The following ZEB1 variants were observed in gnomAD, a reference collection of about 807,000 sequenced individuals.
The protein encoded by ZEB1 is zinc finger E-box binding homeobox 1.
ZEB1 carries 21 observed loss-of-function variants against 84.9 expected under a neutral mutation model. That is an observed-to-expected ratio of 0.25 (90% CI 0.18 to 0.36). The LOEUF is 0.36. Among genes scored for constraint, ZEB1 ranks in the 10% least tolerant of loss-of-function variants. ZEB1 has a pLI of 1.00. For missense variants in ZEB1, 1,104 were observed against 1,330.2 expected (o/e 0.83, Z 2.65); for synonymous variants, 420 against 471.1 (o/e 0.89, Z 1.41).
At chr10:31,362,981 A>C in intron 1 of ZEB1, 2 of 1,534,066 alleles carry the variant, frequency 1.3e-6, no homozygotes, top group Non-Finnish European at 1.7e-6. Context: ...GGAGATAGAC[A>C]TGGAAGCTTT....
intron 1 of ZEB1, among the ~76,000 whole-genome samples, chr10:31,340,273 A>T (rs1468361599): frequency 6.6e-6 from 1 of 152,034 alleles, no homozygotes; most frequent in Non-Finnish European, 1.5e-5. Context: ...TTGGTACAGG[A>T]TATATTTTTT....
intron 1 of ZEB1, among the ~76,000 whole-genome samples, chr10:31,355,930 T>C (rs1315420513): frequency 6.6e-6 from 1 of 152,130 alleles, no homozygotes; most frequent in African/African-American, 2.4e-5. Context: ...ATAGTATATA[T>C]AGAAGCATTG....
chr10:31,503,798 C>T (rs578144069), intron 4 of ZEB1, among the ~76,000 whole-genome samples: 35 of 151,940 alleles, frequency 2.3e-4, no homozygotes, highest in African/African-American at 7.5e-4. Context: ...TTTTGATTTG[C>T]ATTTCTCTAA....
chr10:31,512,463 T>C (rs1263381812), intron 5 of ZEB1, among the ~76,000 whole-genome samples: 1 of 151,996 alleles, frequency 6.6e-6, no homozygotes, highest in African/African-American at 2.4e-5. Flanking sequence ...TGTGAGGAAA[T>C]ATAACTGGGA....
intron 1 of ZEB1, among the ~76,000 whole-genome samples, chr10:31,340,533 A>G (rs900732710): frequency 6.6e-6 from 1 of 152,112 alleles, no homozygotes; most frequent in Non-Finnish European, 1.5e-5. Context: ...GTACTTGATG[A>G]CTTGGTATTG....
At chr10:31,519,194 A>G (rs1179736819) in intron 6 of ZEB1, among the ~76,000 whole-genome samples, 1 of 152,228 alleles carries the variant, frequency 6.6e-6, no homozygotes, top group African/African-American at 2.4e-5. Context: ...ACTGAAGCTT[A>G]TAGTCTGTAA....
chr10:31,435,143 G>A (rs574078896), intron 1 of ZEB1, among the ~76,000 whole-genome samples: 55 of 152,314 alleles, frequency 3.6e-4, no homozygotes, highest in African/African-American at 1.2e-3. Context: ...AGGGTCAGTG[G>A]CAGAATGATG....
At chr10:31,377,745 C>T (rs181268903) in intron 1 of ZEB1, among the ~76,000 whole-genome samples, 2 of 151,600 alleles carry the variant, frequency 1.3e-5, no homozygotes, top group East Asian at 3.9e-4. Flanking sequence ...TTTAGTGTGC[C>T]TCATTTTCAG....
intron 6 of ZEB1, among the ~76,000 whole-genome samples, chr10:31,517,048 T>G (rs1037838886): frequency 6.6e-6 from 1 of 152,066 alleles, no homozygotes; most frequent in African/African-American, 2.4e-5. Flanking sequence ...CCACAGTAGA[T>G]TGGAAACTTA....
intron 1 of ZEB1, among the ~76,000 whole-genome samples, chr10:31,342,583 C>G (rs565870878): frequency 1.3e-5 from 2 of 151,986 alleles, no homozygotes; most frequent in Non-Finnish European, 2.9e-5. Flanking sequence ...TAAGGTTATA[C>G]TAGAAGTTTG....
intron 1 of ZEB1, among the ~76,000 whole-genome samples, chr10:31,323,415 G>A (rs2034625068): frequency 6.6e-6 from 1 of 151,942 alleles, no homozygotes; most frequent in Non-Finnish European, 1.5e-5. Flanking sequence ...ACTATGGATG[G>A]GTTGGCAGAG....
rs139028453 is a variant in ZEB1 at position 31,354,960 on chromosome 10, A to C, written c.58+35668A>C. On this transcript the variant is annotated intron_variant, in intron 1 of 8. Coordinates refer to ENST00000424869, the MANE Select transcript of ZEB1 (RefSeq NM_001174096.2). ...AATTCTTAGTCATGTCTAAGTTCAC[A>C]CAGAGATACAATAATACACGTGGGT... Among the ~76,000 whole-genome samples the C allele has an allele frequency of 2.4e-3, 368 of 152,340 alleles. 1 individual carries two copies. The highest frequency in any genetic ancestry group is 8.1e-3 in the African/African-American group (337 of 41,594).
At chr10:31,351,987 G>A (rs370335686) in intron 1 of ZEB1, among the ~76,000 whole-genome samples, 4 of 152,216 alleles carry the variant, frequency 2.6e-5, no homozygotes, top group Non-Finnish European at 5.9e-5. Context: ...ATGTTTTACT[G>A]TATACTAATT....
intron 1 of ZEB1, among the ~76,000 whole-genome samples, chr10:31,435,802 T>C (rs1401411686): frequency 6.6e-6 from 1 of 152,166 alleles, no homozygotes; most frequent in Non-Finnish European, 1.5e-5. Context: ...AGGAGAGTGA[T>C]ACATTTTGCT....
At chr10:31,410,283 T>C (rs1243134700) in intron 1 of ZEB1, among the ~76,000 whole-genome samples, 1 of 152,184 alleles carries the variant, frequency 6.6e-6, no homozygotes, top group African/African-American at 2.4e-5. Context: ...GTTTTTGTCA[T>C]TGGTTCTGTT....
chr10:31,427,276 G>A (rs1033894914), intron 1 of ZEB1, among the ~76,000 whole-genome samples: 3 of 152,082 alleles, frequency 2.0e-5, no homozygotes, highest in Non-Finnish European at 4.4e-5. Flanking sequence ...ATTCTACCAG[G>A]CATGGCAAAA....
In ZEB1 at chr10:31,461,024, G is replaced by A; in HGVS notation, c.59-13G>A. On this transcript the variant is annotated splice_polypyrimidine_tract_variant and intron_variant, in intron 1 of 8. Coordinates refer to ENST00000424869, the MANE Select transcript of ZEB1 (RefSeq NM_001174096.2). ...AGTTGGTTTTGATTATTTGTTTCTT[G>A]TTTGTATTACAGTTACAAATTATAA... The A allele has an allele frequency of 1.2e-6, 2 of 1,603,640 alleles. No individual in the cohort carries two copies. The highest frequency in any genetic ancestry group is 8.5e-7 in the Non-Finnish European group (1 of 1,171,538).
chr10:31,447,707 G>T (rs1485651543), intron 1 of ZEB1, among the ~76,000 whole-genome samples: 1 of 151,532 alleles, frequency 6.6e-6, no homozygotes, highest in Non-Finnish European at 1.5e-5. Flanking sequence ...ATTCTGGGTT[G>T]AAAATTCTTT....
intron 1 of ZEB1, among the ~76,000 whole-genome samples, chr10:31,376,547 C>A (rs1005156284): frequency 2.0e-5 from 3 of 151,732 alleles, no homozygotes; most frequent in Admixed American, 6.6e-5. Flanking sequence ...TTATATGAAG[C>A]AGTTTTACAT....
Sources: allele counts gnomAD v4.1 joint callset (sites outside exome capture counted in the v4.1 genomes callset), GRCh38; gene constraint gnomAD v4.1.1; transcripts MANE v1.5; gene names NCBI Gene and HGNC (gene_info 2026-07-23, HGNC 2026-07-21).